UBE2D2: variants seen among roughly 807,000 people sequenced by gnomAD.
The protein encoded by UBE2D2 is ubiquitin conjugating enzyme E2 D2, also known as ubiquitin-conjugating enzyme E2 D2.
In UBE2D2, 2 loss-of-function variants were observed where a neutral mutation model predicts 24.2. That is an observed-to-expected ratio of 0.08 (90% CI 0.03 to 0.26). The LOEUF is 0.26. Ranked by LOEUF, UBE2D2 falls within the 10% of genes least tolerant of loss-of-function variation. The pLI, the probability that UBE2D2 is intolerant of heterozygous loss-of-function variation, is 1.00. For missense variants in UBE2D2, 44 were observed against 177.6 expected (o/e 0.25, Z 4.28); for synonymous variants, 58 against 56.5 (o/e 1.03, Z -0.12).
At chr5:139,568,485 C>A (rs995392933) in intron 1 of UBE2D2, among the ~76,000 whole-genome samples, 3 of 151,558 alleles carry the variant, frequency 2.0e-5, no homozygotes, top group African/African-American at 7.3e-5. Flanking sequence ...CGGTGAAACC[C>A]CATCTCTACT....
intron 2 of UBE2D2, among the ~76,000 whole-genome samples, chr5:139,611,336 G>A (rs1420157480): frequency 2.6e-5 from 4 of 151,650 alleles, no homozygotes; most frequent in Non-Finnish European, 2.9e-5. Context: ...ACAGACGCCC[G>A]CCATCACGCC....
intron 1 of UBE2D2, among the ~76,000 whole-genome samples, chr5:139,567,435 T>C (rs956777081): frequency 6.7e-6 from 1 of 149,708 alleles, no homozygotes; most frequent in African/African-American, 2.4e-5. Context: ...TTAACTTGCT[T>C]TTTTTTTTTG....
intron 1 of UBE2D2, among the ~76,000 whole-genome samples, chr5:139,541,701 A>G (rs1752764491): frequency 6.6e-6 from 1 of 151,288 alleles, no homozygotes; most frequent in Admixed American, 6.6e-5. Context: ...TGACTCCAGG[A>G]GTTGGAGTTT....
chr5:139,540,999 A>AG (rs1219908108), intron 1 of UBE2D2, among the ~76,000 whole-genome samples: 1 of 151,290 alleles, frequency 6.6e-6, no homozygotes, highest in East Asian at 1.9e-4. Context: ...GTCTCAAAAA[A>AG]AAAAAAGTCT....
At chr5:139,552,977 C>T (rs1036670971) in intron 1 of UBE2D2, among the ~76,000 whole-genome samples, 3 of 151,314 alleles carry the variant, frequency 2.0e-5, no homozygotes, top group Admixed American at 6.6e-5. Context: ...CCACCGCACC[C>T]GGCCTCTAAT....
At chr5:139,557,289 C>T (rs941798838), upstream of UBE2D2, among the ~76,000 whole-genome samples, 8 of 151,848 alleles carry the variant, frequency 5.3e-5, no homozygotes, top group Non-Finnish European at 7.4e-5. Flanking sequence ...AGCACCACCA[C>T]GCCTGGCTAA....
At chr5:139,579,262 C>T (rs1192244775) in intron 1 of UBE2D2, among the ~76,000 whole-genome samples, 1 of 152,244 alleles carries the variant, frequency 6.6e-6, no homozygotes, top group Non-Finnish European at 1.5e-5. Flanking sequence ...ATTCTCCTGC[C>T]TCAGCATCTT....
At chr5:139,549,788 C>T (rs1191755395) in intron 1 of UBE2D2, among the ~76,000 whole-genome samples, 3 of 152,218 alleles carry the variant, frequency 2.0e-5, no homozygotes, top group East Asian at 1.9e-4. Flanking sequence ...ATCCACTAGG[C>T]GAAGCCAGCT....
Position 139,546,817 on chromosome 5 carries a change from T to TCTTC in UBE2D2, c.-64+20257_-64+20260dup, listed in dbSNP as rs59929319. On this transcript the variant is annotated intron_variant, in intron 1 of 6. Transcript: ENST00000511725. ...TTTCTTTCTTTCTTTCTTCTTTCTT[T>TCTTC]CTTCCTTCCTTCCTTCCTTCCTTCC... Among the ~76,000 whole-genome samples, 1,082 of 138,390 alleles carry TCTTC rather than the reference T, an allele frequency of 7.8e-3. 6 individuals are homozygous for TCTTC. The highest frequency in any genetic ancestry group is 0.013 in the African/African-American group (475 of 37,196). 90.8% of individuals were successfully genotyped at this position (138,390 alleles called of 152,430 possible).
rs1221926331 is a variant in UBE2D2, at chr5:139,627,535, T to C, written c.*734T>C. 4 of 152,684 alleles carry C rather than the reference T, an allele frequency of 2.6e-5. No individual in the cohort carries two copies. The highest frequency in any genetic ancestry group is 9.6e-5 in the African/African-American group (4 of 41,470). The allele number at this position is 152,684 out of a possible 1,614,324, so 9.5% of individuals were successfully genotyped here. On this transcript the variant is annotated 3_prime_UTR_variant, in exon 7 of 7. Transcript: ENST00000398733. ...TAGCTAATAGCTCTTATTTTTCTTATGTTTTTAACCGCTTAGGTCTATTTG... is the reference window on the plus strand; with the variant it reads ...TAGCTAATAGCTCTTATTTTTCTTACGTTTTTAACCGCTTAGGTCTATTTG...
upstream of UBE2D2, among the ~76,000 whole-genome samples, chr5:139,556,869 T>C (rs1322597712): frequency 1.3e-5 from 2 of 152,076 alleles, no homozygotes; most frequent in African/African-American, 2.4e-5. Context: ...TAGTCTTGCT[T>C]TGTCGCCCAG....
At chr5:139,617,981 GT>G (rs1258283950) in intron 5 of UBE2D2, among the ~76,000 whole-genome samples, 2 of 149,452 alleles carry the variant, frequency 1.3e-5, no homozygotes, top group South Asian at 2.1e-4. Context: ...ATTATTATTT[GT>G]TTTTTTTTGA....
chr5:139,612,424 C>G (rs1441612249), intron 2 of UBE2D2: 1 of 152,362 alleles, frequency 6.6e-6, no homozygotes, highest in African/African-American at 2.4e-5. Context: ...GGCCCCCTTA[C>G]TTATCCCCCT....
intron 1 of UBE2D2, among the ~76,000 whole-genome samples, chr5:139,592,827 TCTC>T (rs1175843635): frequency 6.6e-6 from 1 of 151,314 alleles, no homozygotes; most frequent in Non-Finnish European, 1.5e-5. Flanking sequence ...TGGGTCTCGA[TCTC>T]CTGACCTCGT....
In UBE2D2 at chr5:139,605,608, A is replaced by G. The variant is rs547727064; in HGVS notation, c.88+5173A>G. ...CTCTGTCTCAAAAAAAAAAAAAAAAAAAAAAAGAAAAGAAAGAAACAAATA... is the reference window on the plus strand; with the variant it reads ...CTCTGTCTCAAAAAAAAAAAAAAAAGAAAAAAGAAAAGAAAGAAACAAATA... On this transcript the variant is annotated intron_variant, in intron 2 of 6. Coordinates refer to ENST00000398733, the MANE Select transcript of UBE2D2 (RefSeq NM_003339.3). Among the ~76,000 whole-genome samples the G allele has an allele frequency of 2.7e-4, 41 of 150,746 alleles. 1 individual carries two copies. The highest frequency in any genetic ancestry group is 9.2e-4 in the African/African-American group (38 of 41,264).
chr5:139,557,564 A>G (rs963065935), upstream of UBE2D2, among the ~76,000 whole-genome samples: 8 of 152,164 alleles, frequency 5.3e-5, no homozygotes, highest in East Asian at 1.4e-3. Flanking sequence ...CCTGGCCTAC[A>G]TGGTGAAACC....
chr5:139,604,157 T>C (rs1754143479), intron 2 of UBE2D2, among the ~76,000 whole-genome samples: 1 of 151,388 alleles, frequency 6.6e-6, no homozygotes, highest in African/African-American at 2.4e-5. Flanking sequence ...TTTTTTTTTT[T>C]GAGACGGAAT....
At chr5:139,548,193 A>AAAATAAATAAATAAAT (rs1388715344) in intron 1 of UBE2D2, among the ~76,000 whole-genome samples, 519 of 46,656 alleles carry the variant, frequency 0.011, 6 homozygotes, top group South Asian at 0.014. Flanking sequence ...ATAAAAAAAA[A>AAAATAAATAAATAAAT]AAATAAATAA....
At chr5:139,569,949 C>G (rs190722288) in intron 1 of UBE2D2, among the ~76,000 whole-genome samples, 76 of 152,262 alleles carry the variant, frequency 5.0e-4, no homozygotes, top group Non-Finnish European at 9.3e-4. Context: ...GGCAAGGTTG[C>G]TCATACTGCT....
Sources: gnomAD v4.1 joint callset for allele counts (sites outside exome capture counted in the v4.1 genomes callset) on GRCh38, gnomAD v4.1.1 for gene constraint, MANE v1.5 for transcripts, NCBI Gene and HGNC (gene_info 2026-07-23, HGNC 2026-07-21) for gene names.